SCCPDH: variants seen among roughly 807,000 people sequenced by gnomAD.
SCCPDH encodes saccharopine dehydrogenase-like oxidoreductase.
A neutral mutation model predicts 51.5 loss-of-function variants in SCCPDH; 34 were observed. That is an observed-to-expected ratio of 0.66 (90% CI 0.50 to 0.88). The LOEUF is 0.88. Among genes scored for constraint, SCCPDH ranks in the 40% least tolerant of loss-of-function variants. The pLI is 0.00. For synonymous variants in SCCPDH, 187 were observed against 191.3 expected (o/e 0.98, Z 0.19); for missense variants, 464 against 527.1 (o/e 0.88, Z 1.17).
intron 4 of SCCPDH, among the ~76,000 whole-genome samples, chr1:246,740,680 G>T (rs545242610): frequency 1.3e-5 from 2 of 152,186 alleles, no homozygotes; most frequent in Admixed American, 6.5e-5. Context: ...AAGCTAGAAA[G>T]TATTGAACAC....
At chr1:246,759,481 C>T (rs954341585) in intron 7 of SCCPDH, among the ~76,000 whole-genome samples, 1 of 152,160 alleles carries the variant, frequency 6.6e-6, no homozygotes, top group African/African-American at 2.4e-5. Context: ...GTCTGGAACC[C>T]TTTCTGTCCC....
chr1:246,730,294 C>T (rs906144613), intron 2 of SCCPDH, among the ~76,000 whole-genome samples: 2 of 152,206 alleles, frequency 1.3e-5, no homozygotes, highest in Non-Finnish European at 2.9e-5. Context: ...ACCACTTTCT[C>T]CTTTCTTTGC....
At chr1:246,740,665 C>A (rs990692845) in intron 4 of SCCPDH, among the ~76,000 whole-genome samples, 1 of 152,018 alleles carries the variant, frequency 6.6e-6, no homozygotes, top group African/African-American at 2.4e-5. Flanking sequence ...AATTTTTAAC[C>A]GTCAAAGCTA....
At chr1:246,756,076 T>A (rs1161502725) in intron 5 of SCCPDH, among the ~76,000 whole-genome samples, 3 of 152,216 alleles carry the variant, frequency 2.0e-5, no homozygotes, top group Non-Finnish European at 4.4e-5. Flanking sequence ...GAAAAAGTGA[T>A]ACGTTTGTGT....
intron 3 of SCCPDH, among the ~76,000 whole-genome samples, chr1:246,737,946 A>G (rs1325615540): frequency 6.6e-6 from 1 of 152,144 alleles, no homozygotes; most frequent in Non-Finnish European, 1.5e-5. Flanking sequence ...CTGTAATCTC[A>G]GCACTCTGGG....
chr1:246,746,734 G>A (rs894452231), intron 5 of SCCPDH, among the ~76,000 whole-genome samples: 3 of 152,108 alleles, frequency 2.0e-5, no homozygotes, highest in East Asian at 1.9e-4. Flanking sequence ...CCAGCTACTC[G>A]GGTCATGGAG....
chr1:246,745,071 A>G (rs1206380763), intron 5 of SCCPDH, among the ~76,000 whole-genome samples: 1 of 152,242 alleles, frequency 6.6e-6, no homozygotes. Context: ...AAGTCAGCAT[A>G]GTTTTATCAT....
intron 4 of SCCPDH, among the ~76,000 whole-genome samples, chr1:246,741,696 C>T (rs1299693448): frequency 6.6e-6 from 1 of 152,098 alleles, no homozygotes; most frequent in Admixed American, 6.5e-5. Context: ...ATGCCCATCT[C>T]AAAAAATGAT....
At position 246,745,840 on chromosome 1, in the gene SCCPDH, G is replaced by A. The variant is rs564942468; in HGVS notation, c.564+1715G>A. 1.2e-4 allele frequency among the ~76,000 whole-genome samples: 18 copies of A among 152,296 alleles called. 1 individual carries two copies. The South Asian group carries it at 3.5e-3, about 30-fold the overall frequency. Reference sequence around the variant, plus strand: ...GAAGGAAGGGCTGGCCGGGCATGGTGGCTCACGCCTGTAATCCCAGCACTT... The same window carrying A: ...GAAGGAAGGGCTGGCCGGGCATGGTAGCTCACGCCTGTAATCCCAGCACTT... On this transcript the variant is annotated intron_variant, in intron 5 of 11. Coordinates refer to ENST00000366510, the MANE Select transcript of SCCPDH (RefSeq NM_016002.3).
rs144744091 is a variant in SCCPDH, at chr1:246,766,121, C to T, written c.1166C>T (p.Ala389Val). 1.2e-6 allele frequency: 2 copies of T among 1,612,140 alleles called. No homozygotes were observed. Among genetic ancestry groups the T allele is most frequent in the Non-Finnish European group, 1.7e-6 (2 of 1,178,470 alleles). Reference protein sequence around the residue: ...VQAAMTLLSDASHLPKAGGVF... With the variant: ...VQAAMTLLSDVSHLPKAGGVF... Reference sequence around the variant, plus strand: ...GCAGCCATGACTCTTCTAAGTGATGCTTCTCATCTGCCTAAGGCGTAAGTT... The same window carrying T: ...GCAGCCATGACTCTTCTAAGTGATGTTTCTCATCTGCCTAAGGCGTAAGTT... The change falls in exon 11 of 12, where the codon GCT becomes GTT. Residue 389 changes from alanine to valine, a missense_variant. Transcript: ENST00000366510.
chr1:246,731,330 G>A (rs1668486609), intron 2 of SCCPDH, among the ~76,000 whole-genome samples: 1 of 152,250 alleles, frequency 6.6e-6, no homozygotes, highest in Non-Finnish European at 1.5e-5. Flanking sequence ...GGAATGGGCA[G>A]ACTGGCAAAT....
At chr1:246,762,841 CAAAAAAAAA>C (rs35066232) in intron 9 of SCCPDH, among the ~76,000 whole-genome samples, 2 of 90,940 alleles carry the variant, frequency 2.2e-5, no homozygotes, top group African/African-American at 8.3e-5. Context: ...ATTCCTTCTC[CAAAAAAAAA>C]AAAAAAAAAA....
intron 5 of SCCPDH, chr1:246,755,415 A>G (rs1464522586): frequency 2.6e-5 from 4 of 152,288 alleles, no homozygotes; most frequent in Admixed American, 2.6e-4. Flanking sequence ...TTAAGTCAGC[A>G]TAAACCCTTG....
rs761760831 is a variant in SCCPDH at position 246,724,415 on chromosome 1, G to A, written c.-8G>A. On this transcript the variant is annotated 5_prime_UTR_variant, in exon 1 of 12. Transcript: ENST00000366510. The stretch of plus-strand genomic sequence containing the variant: ...CGCCCCGGGGCCTGGGCTCGCTGTG[G>A]ACTCGTCATGGCGACCGAGCAGAGG... 2 of 1,558,600 alleles carry A rather than the reference G, an allele frequency of 1.3e-6. No individual in the cohort carries two copies. Among genetic ancestry groups the A allele is most frequent in the South Asian group, 2.4e-5 (2 of 84,592 alleles).
intron 8 of SCCPDH, 27 bp from the exon 9 acceptor site, chr1:246,760,144 T>C: frequency 1.9e-6 from 3 of 1,597,874 alleles, no homozygotes; most frequent in African/African-American, 1.4e-5. Flanking sequence ...TAAAAAAATA[T>C]CACTGACGGT....
At chr1:246,764,509 G>T (rs534792305) in intron 10 of SCCPDH, 152 bp downstream of exon 10, 58 of 494,374 alleles carry the variant, frequency 1.2e-4, no homozygotes, top group African/African-American at 8.9e-4. Context: ...GTCAAAGGAA[G>T]ATTGAAATTA....
Position 246,767,911 on chromosome 1 carries a change from C to T in SCCPDH, c.*611C>T, listed in dbSNP as rs1669113544. 1 of 152,264 alleles carries T rather than the reference C, an allele frequency of 6.6e-6. No individual in the cohort carries two copies. Among genetic ancestry groups the T allele is most frequent in the South Asian group, 2.1e-4 (1 of 4,826 alleles). The allele number at this position is 152,264 out of a possible 1,614,324, so 9.4% of individuals were successfully genotyped here. On this transcript the variant is annotated 3_prime_UTR_variant, in exon 12 of 12. Coordinates refer to ENST00000366510, the MANE Select transcript of SCCPDH (RefSeq NM_016002.3). Reference sequence around the variant, plus strand: ...GCTGCTTAAGTGGCCTAACCTGTTTCTTGCCAATAAGTAGGCTTATCATTT... The same window carrying T: ...GCTGCTTAAGTGGCCTAACCTGTTTTTTGCCAATAAGTAGGCTTATCATTT...
intron 9 of SCCPDH, among the ~76,000 whole-genome samples, chr1:246,762,366 A>G (rs1231368004): frequency 6.6e-6 from 1 of 152,208 alleles, no homozygotes; most frequent in Non-Finnish European, 1.5e-5. Context: ...CGTGGTTGGT[A>G]GTGCAGGCTT....
intron 2 of SCCPDH, among the ~76,000 whole-genome samples, chr1:246,727,501 C>T (rs906319376): frequency 3.3e-5 from 5 of 152,062 alleles, no homozygotes; most frequent in East Asian, 1.9e-4. Flanking sequence ...GAAAATCCCT[C>T]GTGGACATTA....
Sources: allele counts gnomAD v4.1 joint callset (sites outside exome capture counted in the v4.1 genomes callset), GRCh38; gene constraint gnomAD v4.1.1; transcripts MANE v1.5; gene names NCBI Gene and HGNC (gene_info 2026-07-23, HGNC 2026-07-21).